RAPH1: variants seen among roughly 807,000 people sequenced by gnomAD.
RAPH1 encodes the protein Ras association (RalGDS/AF-6) and pleckstrin homology domains 1, also known as ras-associated and pleckstrin homology domains-containing protein 1.
A neutral mutation model predicts 88.1 loss-of-function variants in RAPH1; 18 were observed. That is an observed-to-expected ratio of 0.20 (90% CI 0.14 to 0.30). The LOEUF (loss-of-function observed/expected upper bound fraction) is 0.30. Among genes scored for constraint, RAPH1 ranks in the 10% least tolerant of loss-of-function variants. The pLI is 1.00. For missense variants in RAPH1, 1,448 were observed against 1,543.2 expected, an observed-to-expected ratio of 0.94 and a Z score of 1.03; for synonymous variants, 587 against 559.0, an observed-to-expected ratio of 1.05 and a Z score of -0.71.
chr2:203,459,304 C>T (rs2098522497), intron 7 of RAPH1, among the ~76,000 whole-genome samples: 3 of 152,184 alleles, frequency 2.0e-5, no homozygotes, highest in Admixed American at 2.0e-4. Flanking sequence ...TTTAACACTG[C>T]TGCTATTTTT....
intron 1 of RAPH1, among the ~76,000 whole-genome samples, chr2:203,522,409 G>A (rs759046014): frequency 6.6e-6 from 1 of 152,154 alleles, no homozygotes; most frequent in African/African-American, 2.4e-5. Flanking sequence ...ACATTGCTGT[G>A]TAAGCTCTAA....
chr2:203,497,555 A>T (rs1052812394), intron 1 of RAPH1, among the ~76,000 whole-genome samples: 1 of 152,214 alleles, frequency 6.6e-6, no homozygotes, highest in Non-Finnish European at 1.5e-5. Context: ...AAATCATATC[A>T]TATCTCATTT....
At chr2:203,463,905 A>C (rs1335963662) in intron 4 of RAPH1, among the ~76,000 whole-genome samples, 1 of 152,250 alleles carries the variant, frequency 6.6e-6, no homozygotes, top group Non-Finnish European at 1.5e-5. Flanking sequence ...TGAGTCTTAC[A>C]GAAACAAATT....
At chr2:203,447,691 T>A in intron 12 of RAPH1, 1 of 261,078 alleles carries the variant, frequency 3.8e-6, no homozygotes, top group Non-Finnish European at 7.3e-6. Flanking sequence ...CAGCAGTATG[T>A]ATGTTTTGAA....
At chr2:203,476,619 C>G (rs13034188) in intron 4 of RAPH1, among the ~76,000 whole-genome samples, 1 of 152,108 alleles carries the variant, frequency 6.6e-6, no homozygotes, top group Non-Finnish European at 1.5e-5. Context: ...CAGTACACCT[C>G]TGAAGCATCC....
In RAPH1 at chr2:203,438,418, A is replaced by G. The variant is rs60208723; in HGVS notation, c.*1019T>C. The G allele has an allele frequency of 8.5e-4, 286 of 335,940 alleles. 2 individuals are homozygous for G. Among genetic ancestry groups the G allele is most frequent in the African/African-American group, 5.9e-3 (273 of 46,284 alleles). The allele number at this position is 335,940 out of a possible 1,614,324, so 20.8% of individuals were successfully genotyped here. Reference sequence around the variant, plus strand: ...CACCATATTGGGGCACAGGATGTGTATATTTCATATACCAATTGTCTACAG... The same window carrying G: ...CACCATATTGGGGCACAGGATGTGTGTATTTCATATACCAATTGTCTACAG... On this transcript the variant is annotated 3_prime_UTR_variant, in exon 14 of 14. Coordinates refer to ENST00000319170, the MANE Select transcript of RAPH1 (RefSeq NM_213589.3).
At chr2:203,501,967 C>G (rs901878200) in intron 1 of RAPH1, among the ~76,000 whole-genome samples, 1 of 152,098 alleles carries the variant, frequency 6.6e-6, no homozygotes, top group Non-Finnish European at 1.5e-5. Flanking sequence ...GTAGCTGGGA[C>G]GACAGATATA....
At chr2:203,527,172 G>T (rs915383139) in intron 1 of RAPH1, among the ~76,000 whole-genome samples, 1 of 152,106 alleles carries the variant, frequency 6.6e-6, no homozygotes, top group Non-Finnish European at 1.5e-5. Flanking sequence ...ATTCACTGGG[G>T]TATACGAACA....
intron 4 of RAPH1, among the ~76,000 whole-genome samples, chr2:203,480,146 A>G (rs1687656232): frequency 6.6e-6 from 1 of 152,256 alleles, no homozygotes; most frequent in Non-Finnish European, 1.5e-5. Flanking sequence ...ATCTCTGCAA[A>G]GTAAGTTATG....
chr2:203,488,403 G>A (rs2251433), intron 4 of RAPH1, among the ~76,000 whole-genome samples: 94,858 of 150,636 alleles, frequency 0.63, 30,242 homozygotes, highest in Middle Eastern at 0.78. Context: ...AGCCTGGCCA[G>A]CATGGTGAAA....
At chr2:203,457,769 A>C (rs975988255) in intron 7 of RAPH1, among the ~76,000 whole-genome samples, 174 bp from the exon 8 acceptor site, 4 of 152,178 alleles carry the variant, frequency 2.6e-5, no homozygotes, top group Non-Finnish European at 5.9e-5. Flanking sequence ...TTACCTGTGT[A>C]TGGGCATCAT....
At chr2:203,452,233 A>T (rs1479807571) in intron 10 of RAPH1, among the ~76,000 whole-genome samples, 1 of 152,210 alleles carries the variant, frequency 6.6e-6, no homozygotes, top group African/African-American at 2.4e-5. Flanking sequence ...AGGAGTTAAA[A>T]ATGTACCACC....
intron 1 of RAPH1, among the ~76,000 whole-genome samples, chr2:203,532,130 TTG>T (rs1690414490): frequency 6.6e-6 from 1 of 152,190 alleles, no homozygotes; most frequent in Admixed American, 6.6e-5. Flanking sequence ...AGAATCAATA[TTG>T]TGTGAGTCAA....
intron 4 of RAPH1, among the ~76,000 whole-genome samples, chr2:203,483,423 A>G (rs1687817891): frequency 6.6e-6 from 1 of 152,204 alleles, no homozygotes; most frequent in South Asian, 2.1e-4. Context: ...AAATAAGTAG[A>G]TAAAGACTCC....
At chr2:203,520,517 C>T (rs915367219) in intron 1 of RAPH1, among the ~76,000 whole-genome samples, 4 of 151,956 alleles carry the variant, frequency 2.6e-5, no homozygotes, top group Non-Finnish European at 5.9e-5. Flanking sequence ...GTTCGAGCTA[C>T]TCAGGAGGCT....
At chr2:203,505,949 T>G (rs1688972691) in intron 1 of RAPH1, among the ~76,000 whole-genome samples, 1 of 152,232 alleles carries the variant, frequency 6.6e-6, no homozygotes, top group African/African-American at 2.4e-5. Flanking sequence ...GTTGTGCATG[T>G]CCACTCCAGC....
At position 203,436,843 on chromosome 2, in the gene RAPH1, C is replaced by T. The variant is rs1350025250; in HGVS notation, c.*2594G>A. 2 of 152,118 alleles carry T rather than the reference C, an allele frequency of 1.3e-5. No homozygotes were observed. Among genetic ancestry groups the T allele is most frequent in the African/African-American group, 2.4e-5 (1 of 41,420 alleles). 9.4% of individuals were successfully genotyped at this position (152,118 alleles called of 1,614,324 possible). A position where few individuals can be genotyped will look rare whatever the true frequency, so the allele number is the denominator to read the frequency against. ...CAGTCTAGGAAAAGCTACATCCCAA[C>T]AAAAATCCAAATTAAAGAAAACCCA... is the stretch of plus-strand genomic sequence containing the variant. On this transcript the variant is annotated 3_prime_UTR_variant, in exon 14 of 14. Transcript: ENST00000319170.
chr2:203,519,867 A>G (rs1161906895), intron 1 of RAPH1, among the ~76,000 whole-genome samples: 2 of 152,228 alleles, frequency 1.3e-5, no homozygotes, highest in African/African-American at 4.8e-5. Flanking sequence ...TCCAGTATCA[A>G]ACACTCATAC....
chr2:203,498,329 A>C (rs1237872055), intron 1 of RAPH1, among the ~76,000 whole-genome samples: 3 of 152,220 alleles, frequency 2.0e-5, no homozygotes, highest in African/African-American at 7.2e-5. Context: ...ATGTGGTCAC[A>C]TGATATTTAG....
Sources: allele counts gnomAD v4.1 joint callset (sites outside exome capture counted in the v4.1 genomes callset), GRCh38; gene constraint gnomAD v4.1.1; transcripts MANE v1.5; gene names NCBI Gene and HGNC (gene_info 2026-07-23, HGNC 2026-07-21).